Variants in COL4A2 observed in about 807,000 individuals in gnomAD.
COL4A2 encodes collagen type IV alpha 2 chain.
In COL4A2, 99 loss-of-function variants were observed where a neutral mutation model predicts 200.2. The observed-to-expected ratio is 0.49, with a 90% CI of 0.42 to 0.58. The LOEUF (loss-of-function observed/expected upper bound fraction) is 0.58. Among genes scored for constraint, COL4A2 ranks in the 20% least tolerant of loss-of-function variants. The pLI is 0.00. For missense variants in COL4A2, 1,950 were observed against 2,314.1 expected (o/e 0.84, Z 3.23); for synonymous variants, 897 against 900.6 (o/e 1.00, Z 0.07).
chr13:110,465,696 A>G (rs1470817318), intron 25 of COL4A2, 90 bp downstream of exon 25: 1 of 1,203,182 alleles, frequency 8.3e-7, no homozygotes, highest in East Asian at 2.5e-5. Flanking sequence ...GTAGAGTCAG[A>G]TGAGGATGCT....
intron 12 of COL4A2, among the ~76,000 whole-genome samples, chr13:110,435,575 G>A (rs1052277843): frequency 2.0e-5 from 3 of 152,170 alleles, no homozygotes; most frequent in East Asian, 3.8e-4. Context: ...TGCTGTCCGT[G>A]TTATGTGATA....
chr13:110,409,083 CAT>C (rs1265415812), intron 4 of COL4A2, among the ~76,000 whole-genome samples: 1 of 136,722 alleles, frequency 7.3e-6, no homozygotes, highest in Non-Finnish European at 1.6e-5. Flanking sequence ...CACACATGCA[CAT>C]ATATACACAC....
intron 4 of COL4A2, among the ~76,000 whole-genome samples, chr13:110,386,545 ATG>A (rs1027789865): frequency 1.3e-5 from 2 of 152,370 alleles, no homozygotes; most frequent in Admixed American, 1.3e-4. Flanking sequence ...CATAGGTTTT[ATG>A]TGGAGTTTAT....
At chr13:110,510,921 C>G (rs1884061917) in intron 47 of COL4A2, among the ~76,000 whole-genome samples, 1 of 152,228 alleles carries the variant, frequency 6.6e-6, no homozygotes, top group South Asian at 2.1e-4. Flanking sequence ...GCAGGCAGCT[C>G]AGGGCTGGAC....
intron 7 of COL4A2, among the ~76,000 whole-genome samples, chr13:110,429,527 T>C (rs1310046956): frequency 6.6e-6 from 1 of 152,238 alleles, no homozygotes; most frequent in Non-Finnish European, 1.5e-5. Context: ...TGTGTTAATA[T>C]GTTCAGTACA....
At chr13:110,371,157 A>C (rs1484972621) in intron 4 of COL4A2, among the ~76,000 whole-genome samples, 1 of 152,226 alleles carries the variant, frequency 6.6e-6, no homozygotes, top group Non-Finnish European at 1.5e-5. Context: ...TTTATGGAGG[A>C]CAAGGGTTCT....
Position 110,434,370 on chromosome 13 carries a change from T to G in COL4A2, c.685-31T>G, listed in dbSNP as rs772438059. On this transcript the variant is annotated intron_variant, in intron 11 of 47. Transcript: ENST00000360467. Reference sequence around the variant, plus strand: ...TATTTCTCTCTGATTATTGGCTTTTTAAAACTTACAGAAATTATTTATCTT... The same window carrying G: ...TATTTCTCTCTGATTATTGGCTTTTGAAAACTTACAGAAATTATTTATCTT... 1.9e-6 allele frequency: 3 copies of G among 1,599,382 alleles called. No homozygotes were observed. In the Admixed American group the frequency reaches 5.2e-5, roughly 28 times the overall value.
At chr13:110,438,797 T>TCCCC (rs1881004412) in intron 15 of COL4A2, 129 bp downstream of exon 15, 53 of 816,390 alleles carry the variant, frequency 6.5e-5, no homozygotes, top group African/African-American at 6.1e-4. Context: ...CCGTTATTAC[T>TCCCC]CCCCACCCCC....
At chr13:110,476,570 A>C (rs540613440) in intron 29 of COL4A2, among the ~76,000 whole-genome samples, 3 of 151,142 alleles carry the variant, frequency 2.0e-5, no homozygotes, top group African/African-American at 4.9e-5. Context: ...CCTCCTGTGC[A>C]CCCCCCTGGC....
At chr13:110,355,265 C>T (rs1877144463) in intron 3 of COL4A2, among the ~76,000 whole-genome samples, 1 of 146,326 alleles carries the variant, frequency 6.8e-6, no homozygotes, top group Admixed American at 6.7e-5. Flanking sequence ...TAAGATTCAC[C>T]TGTGAGCCAC....
At chr13:110,341,935 T>G (rs932516449) in intron 3 of COL4A2, among the ~76,000 whole-genome samples, 1 of 152,200 alleles carries the variant, frequency 6.6e-6, no homozygotes, top group African/African-American at 2.4e-5. Context: ...ATGTTAGTTG[T>G]TTGTAATATG....
Position 110,307,967 on chromosome 13 carries a change from G to C in COL4A2, c.44+20G>C. 6.2e-7 allele frequency: 1 copy of C among 1,612,324 alleles called. No homozygotes were observed. Among genetic ancestry groups the C allele is most frequent in the Non-Finnish European group, 8.5e-7 (1 of 1,179,426 alleles). Reference sequence around the variant, plus strand: ...ACGGCGGTAAGCGACTTTCTGCCTGGTCCCCGTGGGTCACGCGCGCATGGA... The same window carrying C: ...ACGGCGGTAAGCGACTTTCTGCCTGCTCCCCGTGGGTCACGCGCGCATGGA... On this transcript the variant is annotated intron_variant, in intron 2 of 47. Transcript: ENST00000360467. This position sits in a 1 kb window ranked among gnomAD's most constrained non-coding sequence, Gnocchi z 5.0.
rs1338436328 is a variant in COL4A2 at position 110,450,380 on chromosome 13, G to A, written c.1265G>A (p.Gly422Glu). ...GACCCCGGCATCCCTGCGCTCTACG[G>A]GGGCCCACCTGGACCTGATGGAAAG... ...IGDPGIPALY[G>E]GPPGPDGKRG... Residue 422 changes from glycine to glutamate, a missense_variant, in exon 20 of 48, where the codon GGG becomes GAG. By Grantham distance (98) the Gly-to-Glu change is moderately conservative. Transcript: ENST00000360467. The A allele has an allele frequency of 1.9e-6, 3 of 1,613,708 alleles. No homozygotes were observed. The highest frequency in any genetic ancestry group is 3.3e-5 in the Admixed American group (2 of 59,978).
At chr13:110,427,716 A>C (rs1401779648) in intron 6 of COL4A2, among the ~76,000 whole-genome samples, 1 of 152,232 alleles carries the variant, frequency 6.6e-6, no homozygotes, top group Non-Finnish European at 1.5e-5. Context: ...TAATGCAGTG[A>C]AGATGCCCAC....
At chr13:110,392,499 G>A (rs1332457976) in intron 4 of COL4A2, among the ~76,000 whole-genome samples, 11 of 152,164 alleles carry the variant, frequency 7.2e-5, no homozygotes, top group Non-Finnish European at 1.5e-4. Flanking sequence ...GTGAGTCCGC[G>A]GGGCTCTTCC....
rs1445858372 is a variant in COL4A2 at position 110,508,701 on chromosome 13, A to G, written c.4881+480A>G. ...GGAAAATTCTGGAATACCTTTGGGT[A>G]TAAAATAGAGAGCCTGTGGATACTT... On this transcript the variant is annotated intron_variant, in intron 47 of 47. Transcript: ENST00000360467. The surrounding 1 kb of genome is among the most constrained non-coding windows in gnomAD (Gnocchi z 6.1). Among the ~76,000 whole-genome samples the G allele has an allele frequency of 6.6e-6, 1 of 152,258 alleles. No homozygotes were observed.
chr13:110,479,752 T>C (rs1324095205), intron 30 of COL4A2, among the ~76,000 whole-genome samples: 2 of 152,038 alleles, frequency 1.3e-5, no homozygotes, highest in Non-Finnish European at 2.9e-5. Flanking sequence ...CTCACGACAG[T>C]AGCAGTGATG....
chr13:110,438,820 A>ACACC, intron 15 of COL4A2, 152 bp downstream of exon 15: 3 of 677,610 alleles, frequency 4.4e-6, no homozygotes, highest in Non-Finnish European at 7.3e-6. Flanking sequence ...CCACACACAC[A>ACACC]CACAGCAGCC....
At chr13:110,319,224 T>C (rs534285543) in intron 3 of COL4A2, among the ~76,000 whole-genome samples, 3 of 152,138 alleles carry the variant, frequency 2.0e-5, no homozygotes, top group African/African-American at 2.4e-5. Flanking sequence ...GAGATGCGCC[T>C]TCCTGATGCC....
Sources: allele counts gnomAD v4.1 joint callset (sites outside exome capture counted in the v4.1 genomes callset), GRCh38; gene constraint gnomAD v4.1.1; non-coding constraint Gnocchi (gnomAD v3.1); transcripts MANE v1.5; gene names NCBI Gene and HGNC (gene_info 2026-07-23, HGNC 2026-07-21).